The following CLINT1 variants were observed in gnomAD, a reference collection of about 807,000 sequenced individuals.
The protein encoded by CLINT1 is clathrin interactor 1, also known as clathrin interacting protein localized in the trans-Golgi region.
A neutral mutation model predicts 70.4 loss-of-function variants in CLINT1; 15 were observed. The observed-to-expected ratio is 0.21, with a 90% CI of 0.14 to 0.33. The LOEUF (loss-of-function observed/expected upper bound fraction) is 0.33. CLINT1 is among the 10% of genes least tolerant of loss of function. The pLI, the probability that CLINT1 is intolerant of heterozygous loss-of-function variation, is 1.00. For synonymous variants in CLINT1, 227 were observed against 254.7 expected (o/e 0.89, Z 1.04); for missense variants, 615 against 778.1 (o/e 0.79, Z 2.49).
At chr5:157,834,735 G>T (rs1413745320) in intron 1 of CLINT1, among the ~76,000 whole-genome samples, 1 of 152,048 alleles carries the variant, frequency 6.6e-6, no homozygotes, top group African/African-American at 2.4e-5. Context: ...AAGCCTTCCT[G>T]TTCTTTCCAA....
intron 1 of CLINT1, among the ~76,000 whole-genome samples, chr5:157,830,770 CTCTCT>C (rs1763206344): frequency 8.1e-6 from 1 of 123,866 alleles, no homozygotes; most frequent in Non-Finnish European, 1.7e-5. Flanking sequence ...CTCTCTCTCT[CTCTCT>C]CTCTCTCTCT....
At chr5:157,843,777 T>TA (rs1225803947) in intron 1 of CLINT1, among the ~76,000 whole-genome samples, 13 of 152,242 alleles carry the variant, frequency 8.5e-5, no homozygotes, top group Admixed American at 2.0e-4. Context: ...CAGTTAGCCT[T>TA]AAAAAAAGGC....
At chr5:157,804,205 G>C (rs564520754) in intron 7 of CLINT1, among the ~76,000 whole-genome samples, 1 of 152,216 alleles carries the variant, frequency 6.6e-6, no homozygotes, top group South Asian at 2.1e-4. Flanking sequence ...TAGAGGTCAA[G>C]ATCCTAAACA....
intron 8 of CLINT1, among the ~76,000 whole-genome samples, chr5:157,801,780 T>A (rs1423715449): frequency 2.0e-5 from 3 of 152,162 alleles, no homozygotes; most frequent in Admixed American, 6.5e-5. Context: ...ATCCAAGAAT[T>A]TTAACATAGT....
chr5:157,844,626 T>C (rs1177859481), intron 1 of CLINT1, among the ~76,000 whole-genome samples: 1 of 152,204 alleles, frequency 6.6e-6, no homozygotes, highest in Non-Finnish European at 1.5e-5. Flanking sequence ...AGATGGTACA[T>C]AAGCGATTAA....
intron 1 of CLINT1, among the ~76,000 whole-genome samples, chr5:157,835,451 T>C (rs1450710930): frequency 6.6e-6 from 1 of 152,164 alleles, no homozygotes; most frequent in Admixed American, 6.5e-5. Flanking sequence ...TGTTTTCCCC[T>C]AGGAGCAATG....
chr5:157,827,691 G>C (rs1251017699), intron 1 of CLINT1, among the ~76,000 whole-genome samples: 2 of 152,168 alleles, frequency 1.3e-5, no homozygotes, highest in Admixed American at 6.5e-5. Context: ...GTGGGAGGAA[G>C]AAACTATGAA....
Position 157,802,561 on chromosome 5 carries a change from G to T in CLINT1, c.1012+1089C>A, listed in dbSNP as rs566450093. Among the ~76,000 whole-genome samples, 563 of 139,806 alleles carry T rather than the reference G, an allele frequency of 4.0e-3. 1 individual carries two copies. Among genetic ancestry groups the T allele is most frequent in the Middle Eastern group, 0.011 (3 of 270 alleles). 91.7% of individuals were successfully genotyped at this position (139,806 alleles called of 152,430 possible). On this transcript the variant is annotated intron_variant, in intron 8 of 11. Coordinates refer to ENST00000411809, the MANE Select transcript of CLINT1 (RefSeq NM_014666.4). ...CCCTCTCTTTTTTTTTTTTTTTTCC[G>T]AGATGGAGTTTTTCACTGTTGTTGC...
At chr5:157,853,797 A>G (rs1273623725) in intron 1 of CLINT1, among the ~76,000 whole-genome samples, 2 of 151,254 alleles carry the variant, frequency 1.3e-5, no homozygotes, top group Admixed American at 6.6e-5. Flanking sequence ...AAAAAAAAAA[A>G]AAAAAGAAAA....
intron 1 of CLINT1, among the ~76,000 whole-genome samples, chr5:157,845,393 T>A (rs1753335952): frequency 6.6e-6 from 1 of 151,858 alleles, no homozygotes. Flanking sequence ...TTAAGTACTA[T>A]AAATTTTTCC....
intron 1 of CLINT1, among the ~76,000 whole-genome samples, chr5:157,854,463 T>C (rs1753680774): frequency 6.6e-6 from 1 of 152,178 alleles, no homozygotes; most frequent in Non-Finnish European, 1.5e-5. Flanking sequence ...GGCGCAGCTG[T>C]GGTCCCAGCT....
In CLINT1 at chr5:157,830,757, C is replaced by CCTCTCTCT. The variant is rs373819711; in HGVS notation, c.42-13218_42-13211dup. 5.7e-4 allele frequency among the ~76,000 whole-genome samples: 50 copies of CCTCTCTCT among 87,400 alleles called. 1 individual carries two copies. Among genetic ancestry groups the CCTCTCTCT allele is most frequent in the South Asian group, 1.8e-3 (4 of 2,204 alleles). The allele number at this position is 87,400 out of a possible 152,430, so 57.3% of individuals were successfully genotyped here. ...CTCTCCCTGCCCCTCCCTCTCTCTC[C>CCTCTCTCT]CTCTCTCTCTCTCTCTCTCTCTCTC... On this transcript the variant is annotated intron_variant, in intron 1 of 11. Coordinates refer to ENST00000411809, the MANE Select transcript of CLINT1 (RefSeq NM_014666.4).
intron 1 of CLINT1, among the ~76,000 whole-genome samples, chr5:157,851,600 C>A (rs570931613): frequency 5.3e-4 from 73 of 137,736 alleles, no homozygotes; most frequent in African/African-American, 1.9e-3. Context: ...GCTTAAGCTA[C>A]TTGGGAGGAT....
intron 7 of CLINT1, among the ~76,000 whole-genome samples, chr5:157,805,474 A>G (rs1747302267): frequency 6.6e-6 from 1 of 152,204 alleles, no homozygotes; most frequent in Admixed American, 6.5e-5. Flanking sequence ...ACATGAGATA[A>G]CTTGCCCCTA....
rs1055433641 is a variant in CLINT1 at position 157,787,393 on chromosome 5, T to C, written c.*253A>G. 2.0e-6 allele frequency: 1 copy of C among 502,564 alleles called. No homozygotes were observed. The highest frequency in any genetic ancestry group is 1.9e-5 in the African/African-American group (1 of 51,722). The allele number at this position is 502,564 out of a possible 1,614,324, so 31.1% of individuals were successfully genotyped here. Reference sequence around the variant, plus strand: ...CTCTTCAGTTGATAAAGGCTTTCAATGGTCTCACCACCCACTTGTGGTCTA... The same window carrying C: ...CTCTTCAGTTGATAAAGGCTTTCAACGGTCTCACCACCCACTTGTGGTCTA... On this transcript the variant is annotated 3_prime_UTR_variant, in exon 12 of 12. Transcript: ENST00000411809.
chr5:157,789,535 C>T (rs776963971), intron 10 of CLINT1, 22 bp from the exon 11 acceptor site: 5 of 1,613,916 alleles, frequency 3.1e-6, no homozygotes, highest in Non-Finnish European at 4.2e-6. Flanking sequence ...GAGGATTAGG[C>T]TTCTGCAGCA....
In CLINT1 at chr5:157,845,708, C is replaced by T. The variant is rs191853198; in HGVS notation, c.41+13222G>A. ...CTGGGACCACAGGTGCCTGCCACCA[C>T]GCCCGGCTAATTTTTTTTTGTATTT... On this transcript the variant is annotated intron_variant, in intron 1 of 11. Coordinates refer to ENST00000411809, the MANE Select transcript of CLINT1 (RefSeq NM_014666.4). Among the ~76,000 whole-genome samples, 503 of 152,010 alleles carry T rather than the reference C, an allele frequency of 3.3e-3. 2 individuals carry two copies. Among genetic ancestry groups the T allele is most frequent in the African/African-American group, 0.011 (464 of 41,462 alleles).
At chr5:157,806,956 G>A (rs949652381) in intron 6 of CLINT1, among the ~76,000 whole-genome samples, 8 of 141,212 alleles carry the variant, frequency 5.7e-5, no homozygotes, top group East Asian at 2.0e-4. Flanking sequence ...TTTTTCTGAT[G>A]TAAGTAGGAG....
At chr5:157,846,137 C>A (rs1753369633) in intron 1 of CLINT1, among the ~76,000 whole-genome samples, 1 of 152,320 alleles carries the variant, frequency 6.6e-6, no homozygotes, top group South Asian at 2.1e-4. Context: ...AAAGGAAGAG[C>A]TGCACATCTC....
Sources: gnomAD v4.1 joint callset for allele counts (sites outside exome capture counted in the v4.1 genomes callset) on GRCh38, gnomAD v4.1.1 for gene constraint, MANE v1.5 for transcripts, NCBI Gene and HGNC (gene_info 2026-07-23, HGNC 2026-07-21) for gene names.